CCDC6: variants seen among roughly 807,000 people sequenced by gnomAD.
CCDC6 encodes the protein coiled-coil domain-containing protein 6.
Under a neutral mutation model 56.6 loss-of-function variants are expected in CCDC6, and 20 were observed. That is an observed-to-expected ratio of 0.35 (90% CI 0.25 to 0.51). The LOEUF is 0.51. Ranked by LOEUF, CCDC6 falls within the 20% of genes least tolerant of loss-of-function variation. CCDC6 has a pLI of 0.95. For synonymous variants in CCDC6, 241 were observed against 234.4 expected, an observed-to-expected ratio of 1.03 and a Z score of -0.26; for missense variants, 367 against 601.1, an observed-to-expected ratio of 0.61 and a Z score of 4.07.
chr10:59,859,312 T>G (rs1010814387), intron 1 of CCDC6, among the ~76,000 whole-genome samples: 1 of 152,024 alleles, frequency 6.6e-6, no homozygotes, highest in East Asian at 1.9e-4. Flanking sequence ...AAATAAGTTA[T>G]AGCAGAAACA....
In CCDC6 at chr10:59,792,513, A is replaced by G; in HGVS notation, c.*404T>C. The G allele has an allele frequency of 2.0e-6, 1 of 489,190 alleles. No homozygotes were observed. Among genetic ancestry groups the G allele is most frequent in the Admixed American group, 2.8e-5 (1 of 35,952 alleles). The allele number at this position is 489,190 out of a possible 1,614,324, so 30.3% of individuals were successfully genotyped here. ...ACTATTATAATGAGAGGAGGGTAAC[A>G]ACAGCTCAGTAATTTTCTGCAGATT... On this transcript the variant is annotated 3_prime_UTR_variant, in exon 9 of 9. Transcript: ENST00000263102.
chr10:59,803,231 C>T (rs950850345), intron 7 of CCDC6, among the ~76,000 whole-genome samples: 2 of 152,060 alleles, frequency 1.3e-5, no homozygotes, highest in Admixed American at 6.5e-5. Context: ...CATCTTTACC[C>T]CTGCCTGACA....
At chr10:59,818,495 C>CGGGGGG (rs10605676) in intron 3 of CCDC6, among the ~76,000 whole-genome samples, 20 of 83,118 alleles carry the variant, frequency 2.4e-4, no homozygotes, top group African/African-American at 5.8e-4. Context: ...ATAATGTTGA[C>CGGGGGG]GGGGGGGGGG....
Position 59,797,750 on chromosome 10 carries a change from G to A in CCDC6, c.1106-3153C>T, listed in dbSNP as rs186298102. On this transcript the variant is annotated intron_variant, in intron 7 of 8. Transcript: ENST00000263102. ...CAAACAAAACCACTGGGAATATCAC[G>A]ACTTGAGAATATTCAATACAAGGAA... 1.9e-4 allele frequency among the ~76,000 whole-genome samples: 28 copies of A among 150,934 alleles called. No homozygotes were observed. In the East Asian group the frequency reaches 3.5e-3, roughly 19 times the overall value.
At chr10:59,878,689 C>A (rs2071306066) in intron 1 of CCDC6, among the ~76,000 whole-genome samples, 1 of 152,194 alleles carries the variant, frequency 6.6e-6, no homozygotes, top group Non-Finnish European at 1.5e-5. Flanking sequence ...CAAACCCCTA[C>A]CCCTTCACAA....
chr10:59,835,875 G>A (rs2070877893), intron 2 of CCDC6, among the ~76,000 whole-genome samples: 1 of 151,952 alleles, frequency 6.6e-6, no homozygotes, highest in East Asian at 1.9e-4. Flanking sequence ...CTAGGCAACA[G>A]AGTGAGGCTC....
chr10:59,842,213 T>C (rs1195360243), intron 2 of CCDC6, among the ~76,000 whole-genome samples: 2 of 151,982 alleles, frequency 1.3e-5, no homozygotes, highest in Non-Finnish European at 2.9e-5. Flanking sequence ...CACTAACTTA[T>C]TTTTGGTACT....
intron 7 of CCDC6, among the ~76,000 whole-genome samples, chr10:59,803,564 T>C (rs1198825675): frequency 6.6e-6 from 1 of 152,212 alleles, no homozygotes; most frequent in East Asian, 1.9e-4. Flanking sequence ...TGTGATTCTT[T>C]GGCCCATCAC....
In CCDC6 at chr10:59,847,841, T is replaced by TTA. The variant is rs1491312663; in HGVS notation, c.453+4711_453+4712insTA. ...ACTTTTTTTTTTTTTTTTTTTTTTT[T>TTA]ACCCCTAATGTACATGTTATACAGC... On this transcript the variant is annotated intron_variant, in intron 2 of 8. Transcript: ENST00000263102. Among the ~76,000 whole-genome samples, 675 of 146,262 alleles carry TTA rather than the reference T, an allele frequency of 4.6e-3. 2 individuals carry two copies. The highest frequency in any genetic ancestry group is 8.1e-3 in the Non-Finnish European group (536 of 66,464).
At chr10:59,865,923 C>G (rs2071173153) in intron 1 of CCDC6, among the ~76,000 whole-genome samples, 1 of 150,854 alleles carries the variant, frequency 6.6e-6, no homozygotes, top group Admixed American at 6.6e-5. Context: ...CACTGTGTAC[C>G]TACACCAGGA....
chr10:59,843,859 G>A (rs181159398), intron 2 of CCDC6, among the ~76,000 whole-genome samples: 1 of 152,246 alleles, frequency 6.6e-6, no homozygotes, highest in Admixed American at 6.5e-5. Flanking sequence ...TCCAGCTTGA[G>A]GTAGGGTTGA....
intron 7 of CCDC6, among the ~76,000 whole-genome samples, chr10:59,800,071 CTT>C (rs1372751196): frequency 6.6e-6 from 1 of 152,130 alleles, no homozygotes; most frequent in African/African-American, 2.4e-5. Context: ...AAAATTATAA[CTT>C]TTTATTTTGA....
intron 7 of CCDC6, among the ~76,000 whole-genome samples, chr10:59,803,176 T>C (rs1374799013): frequency 1.3e-5 from 2 of 152,156 alleles, no homozygotes; most frequent in Non-Finnish European, 2.9e-5. Context: ...TTGTGATGAT[T>C]GTGCCACTGA....
intron 3 of CCDC6, among the ~76,000 whole-genome samples, chr10:59,819,707 T>C (rs964624749): frequency 2.0e-5 from 3 of 152,190 alleles, no homozygotes; most frequent in Admixed American, 1.3e-4. Context: ...TGTAATAATC[T>C]CTCTTCCACA....
chr10:59,876,593 A>G (rs1322639916), intron 1 of CCDC6, among the ~76,000 whole-genome samples: 9 of 143,530 alleles, frequency 6.3e-5, no homozygotes, highest in African/African-American at 2.2e-4. Context: ...AAGGGGGAAA[A>G]AAAAAAAAAA....
intron 8 of CCDC6, among the ~76,000 whole-genome samples, chr10:59,793,441 T>C (rs1053137928): frequency 6.6e-6 from 1 of 152,170 alleles, no homozygotes; most frequent in Admixed American, 6.5e-5. Flanking sequence ...CTATTGCTTA[T>C]CTCCAATAAG....
At chr10:59,805,814 CA>C (rs1235228194) in intron 6 of CCDC6, among the ~76,000 whole-genome samples, 3 of 152,098 alleles carry the variant, frequency 2.0e-5, no homozygotes, top group Admixed American at 6.6e-5. Flanking sequence ...TATAGACTTT[CA>C]TTATAGATAA....
At chr10:59,831,903 C>T (rs753135239) in intron 3 of CCDC6, among the ~76,000 whole-genome samples, 1 of 152,206 alleles carries the variant, frequency 6.6e-6, no homozygotes, top group Non-Finnish European at 1.5e-5. Flanking sequence ...TACTTCCCAC[C>T]TTTGTCCCTT....
At chr10:59,854,726 C>T (rs79265424) in intron 1 of CCDC6, among the ~76,000 whole-genome samples, 22 of 152,298 alleles carry the variant, frequency 1.4e-4, no homozygotes, top group African/African-American at 4.6e-4. Flanking sequence ...CAGGATTTCA[C>T]GCTAGTGCCA....
Sources: gnomAD v4.1 joint callset for allele counts (sites outside exome capture counted in the v4.1 genomes callset) on GRCh38, gnomAD v4.1.1 for gene constraint, MANE v1.5 for transcripts, NCBI Gene and HGNC (gene_info 2026-07-23, HGNC 2026-07-21) for gene names.